GSK3B: variants seen among roughly 807,000 people sequenced by gnomAD.
The protein encoded by GSK3B is glycogen synthase kinase-3 beta.
In GSK3B, 15 loss-of-function variants were observed where a neutral mutation model predicts 56.4. That is an observed-to-expected ratio of 0.27 (90% confidence interval 0.18 to 0.41). The LOEUF (loss-of-function observed/expected upper bound fraction) is 0.41, where lower values mean the gene tolerates loss of function less well. Among genes scored for constraint, GSK3B ranks in the 10% least tolerant of loss-of-function variants. The pLI, the probability that GSK3B is intolerant of heterozygous loss-of-function variation, is 1.00. For missense variants in GSK3B, 300 were observed against 513.4 expected (o/e 0.58, Z 4.02); for synonymous variants, 181 against 188.9 (o/e 0.96, Z 0.34).
chr3:120,050,246 CCA>C (rs1249580713), intron 1 of GSK3B, among the ~76,000 whole-genome samples: 3 of 152,200 alleles, frequency 2.0e-5, no homozygotes, highest in Non-Finnish European at 4.4e-5. Flanking sequence ...CATGAGGGAT[CCA>C]CCCCCCATGA....
rs928520401 is a variant in GSK3B at position 119,824,319 on chromosome 3, A to C, written c.*2469T>G. 16 of 201,404 alleles carry C rather than the reference A, an allele frequency of 7.9e-5. No homozygotes were observed. The highest frequency in any genetic ancestry group is 4.3e-4 in the African/African-American group (16 of 37,182). 12.5% of individuals were successfully genotyped at this position (201,404 alleles called of 1,614,324 possible). On this transcript the variant is annotated 3_prime_UTR_variant, in exon 11 of 11. Transcript: ENST00000264235. The stretch of plus-strand genomic sequence containing the variant: ...CCATGATCCTTGAGAAAGAAAAATC[A>C]CACATCTCAGCACACACACACACAC...
At chr3:119,843,960 T>TAACAAA (rs2055817271) in intron 9 of GSK3B, among the ~76,000 whole-genome samples, 1 of 152,038 alleles carries the variant, frequency 6.6e-6, no homozygotes, top group African/African-American at 2.4e-5. Flanking sequence ...AGAACAGAAA[T>TAACAAA]CATAACAAAC....
intron 7 of GSK3B, among the ~76,000 whole-genome samples, chr3:119,887,475 T>A (rs572855355): frequency 2.0e-5 from 3 of 152,054 alleles, no homozygotes; most frequent in Admixed American, 6.6e-5. Flanking sequence ...CAAATGGAAA[T>A]TGTACAGTTA....
chr3:120,009,002 C>A (rs2057754232), intron 1 of GSK3B, among the ~76,000 whole-genome samples: 1 of 152,140 alleles, frequency 6.6e-6, no homozygotes, highest in South Asian at 2.1e-4. Flanking sequence ...AAGCAAACGA[C>A]CCCATCAAAA....
intron 4 of GSK3B, among the ~76,000 whole-genome samples, chr3:119,917,715 TG>T (rs1559835855): frequency 6.6e-6 from 1 of 151,824 alleles, no homozygotes; most frequent in Non-Finnish European, 1.5e-5. Flanking sequence ...AATTTTAAGA[TG>T]TCTTTTTACT....
chr3:119,877,667 A>G (rs12634889), intron 7 of GSK3B, among the ~76,000 whole-genome samples: 36,762 of 151,964 alleles, frequency 0.24, 4,894 homozygotes, highest in East Asian at 0.49. Context: ...GGACCTTTGG[A>G]GGATACAAAG....
At chr3:119,929,760 G>A (rs895002426) in intron 3 of GSK3B, among the ~76,000 whole-genome samples, 1 of 152,054 alleles carries the variant, frequency 6.6e-6, no homozygotes, top group Non-Finnish European at 1.5e-5. Flanking sequence ...AAATTAGCCA[G>A]GCATGGTGGC....
intron 1 of GSK3B, among the ~76,000 whole-genome samples, chr3:120,081,504 G>A (rs972746192): frequency 2.6e-5 from 4 of 152,072 alleles, no homozygotes; most frequent in Non-Finnish European, 5.9e-5. Flanking sequence ...CCAAGATCGC[G>A]CCACTGCACT....
At chr3:120,073,609 A>T (rs2058345296) in intron 1 of GSK3B, among the ~76,000 whole-genome samples, 1 of 152,212 alleles carries the variant, frequency 6.6e-6, no homozygotes, top group South Asian at 2.1e-4. Flanking sequence ...CACTACAAAA[A>T]GTAGAAGTTC....
chr3:119,897,226 C>T (rs2056577890), intron 7 of GSK3B, among the ~76,000 whole-genome samples: 1 of 152,110 alleles, frequency 6.6e-6, no homozygotes, highest in African/African-American at 2.4e-5. Flanking sequence ...CCTAGGCACA[C>T]ATACTTTTAA....
At chr3:120,079,336 ACAC>A (rs1559904437) in intron 1 of GSK3B, among the ~76,000 whole-genome samples, 1 of 144,068 alleles carries the variant, frequency 6.9e-6, no homozygotes, top group African/African-American at 2.6e-5. Flanking sequence ...ACACACACAC[ACAC>A]ACACACACAC....
rs578072493 is a variant in GSK3B, at chr3:120,000,752, T to C, written c.282+1294A>G. Among the ~76,000 whole-genome samples, 3 of 142,176 alleles carry C rather than the reference T, an allele frequency of 2.1e-5. No homozygotes were observed. The East Asian group carries it at 6.2e-4, about 29-fold the overall frequency. 93.3% of individuals were successfully genotyped at this position (142,176 alleles called of 152,430 possible). A position where few individuals can be genotyped will look rare whatever the true frequency, so the allele number is the denominator to read the frequency against. ...ATGAGGTACAGAAAATGAAAATACATGACGAGAACTGAATTTTGGGATTGC... is the reference window on the plus strand; with the variant it reads ...ATGAGGTACAGAAAATGAAAATACACGACGAGAACTGAATTTTGGGATTGC... On this transcript the variant is annotated intron_variant, in intron 2 of 10. Transcript: ENST00000264235.
At position 119,940,169 on chromosome 3, in the gene GSK3B, A is replaced by T. The variant is rs556819425; in HGVS notation, c.366+7099T>A. ...TGTATATAACACAAGTATATATATA[A>T]AAATATATATAAAACACAAGTATAT... On this transcript the variant is annotated intron_variant, in intron 3 of 10. Transcript: ENST00000264235. Among the ~76,000 whole-genome samples the T allele has an allele frequency of 2.0e-5, 3 of 151,606 alleles. No individual in the cohort carries two copies. In the East Asian group the frequency reaches 5.8e-4, roughly 29 times the overall value.
chr3:119,967,323 G>A (rs112508372), intron 2 of GSK3B, among the ~76,000 whole-genome samples: 26 of 152,150 alleles, frequency 1.7e-4, no homozygotes, highest in African/African-American at 3.9e-4. Context: ...TGATATGTCC[G>A]CCTCGGCCTC....
intron 3 of GSK3B, among the ~76,000 whole-genome samples, chr3:119,945,201 A>C (rs2057088092): frequency 6.6e-6 from 1 of 152,172 alleles, no homozygotes; most frequent in African/African-American, 2.4e-5. Context: ...TCCTTTATTG[A>C]CAAAGAAGGA....
chr3:119,948,843 C>A (rs1263745721), intron 2 of GSK3B, among the ~76,000 whole-genome samples: 4 of 152,104 alleles, frequency 2.6e-5, no homozygotes, highest in Admixed American at 2.0e-4. Context: ...GGATTACAGG[C>A]GCCTGCCACC....
chr3:119,863,346 TAA>T, intron 9 of GSK3B, 71 bp downstream of exon 9: 1 of 1,199,856 alleles, frequency 8.3e-7, no homozygotes, highest in African/African-American at 1.5e-5. Flanking sequence ...AGATTTTAAT[TAA>T]TAGAATGTCA....
At chr3:120,086,231 C>T (rs2058462232) in intron 1 of GSK3B, among the ~76,000 whole-genome samples, 1 of 151,280 alleles carries the variant, frequency 6.6e-6, no homozygotes, top group African/African-American at 2.4e-5. Flanking sequence ...GACAACAAAT[C>T]TTAAATCAGA....
intron 3 of GSK3B, among the ~76,000 whole-genome samples, chr3:119,927,145 T>A (rs978963349): frequency 6.6e-6 from 1 of 152,184 alleles, no homozygotes; most frequent in Admixed American, 6.5e-5. Flanking sequence ...ATGGGCATTT[T>A]AAAAAATGTA....
Sources: gnomAD v4.1 joint callset for allele counts (sites outside exome capture counted in the v4.1 genomes callset) on GRCh38, gnomAD v4.1.1 for gene constraint, MANE v1.5 for transcripts, NCBI Gene and HGNC (gene_info 2026-07-23, HGNC 2026-07-21) for gene names.